The following DLGAP4 variants were observed in gnomAD, a reference collection of about 807,000 sequenced individuals.
DLGAP4 encodes the protein DLG associated protein 4.
In DLGAP4, 18 loss-of-function variants were observed where a neutral mutation model predicts 86.9. The observed-to-expected ratio is 0.21, with a 90% confidence interval of 0.14 to 0.31. The LOEUF (loss-of-function observed/expected upper bound fraction) is 0.31, where lower values mean the gene tolerates loss of function less well. Among genes scored for constraint, DLGAP4 ranks in the 10% least tolerant of loss-of-function variants. DLGAP4 has a pLI of 1.00. For missense variants in DLGAP4, 1,085 were observed against 1,362.6 expected, an observed-to-expected ratio of 0.80 and a Z score of 3.21; for synonymous variants, 548 against 574.3, an observed-to-expected ratio of 0.95 and a Z score of 0.65.
chr20:36,404,984 G>A (rs568608033), intron 2 of DLGAP4, among the ~76,000 whole-genome samples: 31 of 152,306 alleles, frequency 2.0e-4, no homozygotes, highest in South Asian at 1.0e-3. Flanking sequence ...GGCGGTGTGC[G>A]CTGGGCCTTG....
rs1461467057 is a variant in DLGAP4 at position 36,500,659 on chromosome 20, A to T, written c.2512+48A>T. On this transcript the variant is annotated intron_variant, in intron 10 of 12. Coordinates refer to ENST00000339266, the MANE Select transcript of DLGAP4 (RefSeq NM_001365621.2). This position sits in a 1 kb window ranked among gnomAD's most constrained non-coding sequence, Gnocchi z 4.6. Reference sequence around the variant, plus strand: ...TTGGGCAAGGGTAGAAGGTGTTGGCAGCTGGTTTCAGCTGGTGGCCAGCAG... The same window carrying T: ...TTGGGCAAGGGTAGAAGGTGTTGGCTGCTGGTTTCAGCTGGTGGCCAGCAG... The T allele has an allele frequency of 7.2e-7, 1 of 1,389,064 alleles. No individual in the cohort carries two copies. Among genetic ancestry groups the T allele is most frequent in the Non-Finnish European group, 9.4e-7 (1 of 1,066,870 alleles). 86.0% of individuals were successfully genotyped at this position (1,389,064 alleles called of 1,614,324 possible).
chr20:36,326,806 C>CTTT (rs2065219566), intron 1 of DLGAP4, among the ~76,000 whole-genome samples: 1 of 151,490 alleles, frequency 6.6e-6, no homozygotes, highest in Admixed American at 6.6e-5. Flanking sequence ...CTTTATTTTG[C>CTTT]CTTCATTTTT....
chr20:36,413,935 T>G (rs2032579785), intron 2 of DLGAP4, among the ~76,000 whole-genome samples: 1 of 152,164 alleles, frequency 6.6e-6, no homozygotes, highest in Non-Finnish European at 1.5e-5. Context: ...CCAGCTGACA[T>G]GCATAGGGTC....
At chr20:36,403,958 C>T (rs1298166391) in intron 2 of DLGAP4, among the ~76,000 whole-genome samples, 4 of 152,168 alleles carry the variant, frequency 2.6e-5, no homozygotes, top group African/African-American at 9.7e-5. Flanking sequence ...AGCAAGAGAT[C>T]CAAAACAGCA....
chr20:36,363,377 G>A (rs1158449804), intron 1 of DLGAP4, among the ~76,000 whole-genome samples: 2 of 152,226 alleles, frequency 1.3e-5, no homozygotes, highest in Non-Finnish European at 2.9e-5. Context: ...TACTCCTTGA[G>A]CATTTCCTCT....
intron 7 of DLGAP4, among the ~76,000 whole-genome samples, chr20:36,461,114 C>T (rs968722715): frequency 6.6e-6 from 1 of 152,154 alleles, no homozygotes; most frequent in Non-Finnish European, 1.5e-5. Flanking sequence ...CTGGTGGGAA[C>T]TCCCGCCTCG....
intron 7 of DLGAP4, chr20:36,461,730 T>TGTCCGTCC (rs1173276013): frequency 3.5e-5 from 30 of 854,978 alleles, no homozygotes; most frequent in South Asian, 2.8e-4. Context: ...CCTCCCCGTC[T>TGTCCGTCC]GTCCGTCCGT....
chr20:36,329,069 C>A (rs973466541), intron 1 of DLGAP4, among the ~76,000 whole-genome samples: 1 of 152,126 alleles, frequency 6.6e-6, no homozygotes, highest in Admixed American at 6.5e-5. Flanking sequence ...CCATCGCGCC[C>A]GGCCTAATTT....
At position 36,306,670 on chromosome 20, in the gene DLGAP4, C is replaced by A. The variant is rs1319488743; in HGVS notation, c.-304+158C>A. ...AGAAAAGCCCCCTCCCCTGCCAGTT[C>A]TGTCTTCCGATCCCGGGTCCGAGGG... is the stretch of plus-strand genomic sequence containing the variant. On this transcript the variant is annotated intron_variant, in intron 1 of 12. Coordinates refer to ENST00000339266, the MANE Select transcript of DLGAP4 (RefSeq NM_001365621.2). The surrounding 1 kb of genome is among the most constrained non-coding windows in gnomAD (Gnocchi z 4.9). Among the ~76,000 whole-genome samples, 1 of 152,126 alleles carries A rather than the reference C, an allele frequency of 6.6e-6. No homozygotes were observed. Among genetic ancestry groups the A allele is most frequent in the African/African-American group, 2.4e-5 (1 of 41,448 alleles).
In DLGAP4 at chr20:36,418,348, A is replaced by G. The variant is rs1409473604; in HGVS notation, c.-72-13298A>G. ...GGCTAGTCTCGAATTCCTGACCTCA[A>G]GTGATTCACCCACCTCGGCCTCCCA... is the stretch of plus-strand genomic sequence containing the variant. On this transcript the variant is annotated intron_variant, in intron 2 of 12. Transcript: ENST00000339266. Among the ~76,000 whole-genome samples the G allele has an allele frequency of 3.3e-4, 46 of 137,798 alleles. No homozygotes were observed. The Middle Eastern group carries it at 0.02, about 59-fold the overall frequency. 90.4% of individuals were successfully genotyped at this position (137,798 alleles called of 152,430 possible). A position where few individuals can be genotyped will look rare whatever the true frequency, so the allele number is the denominator to read the frequency against.
chr20:36,318,114 A>T (rs1206567372), intron 1 of DLGAP4, among the ~76,000 whole-genome samples: 2,131 of 31,052 alleles, frequency 0.069, 47 homozygotes, highest in African/African-American at 0.093. Flanking sequence ...TCTCACACAC[A>T]CACACACACA....
intron 5 of DLGAP4, among the ~76,000 whole-genome samples, chr20:36,442,231 G>A (rs759677654): frequency 2.0e-5 from 3 of 152,168 alleles, no homozygotes; most frequent in Non-Finnish European, 2.9e-5. Flanking sequence ...TTTCGCTCTT[G>A]TTGCCCAGGC....
At chr20:36,313,108 C>T (rs1012317625) in intron 1 of DLGAP4, among the ~76,000 whole-genome samples, 20 of 152,212 alleles carry the variant, frequency 1.3e-4, no homozygotes, top group Non-Finnish European at 2.6e-4. Context: ...CCTGACCTGC[C>T]GCCTGGCTTC....
intron 2 of DLGAP4, among the ~76,000 whole-genome samples, chr20:36,416,726 A>C (rs187086669): frequency 6.6e-6 from 1 of 152,302 alleles, no homozygotes; most frequent in Non-Finnish European, 1.5e-5. Flanking sequence ...AAGCAGGGAA[A>C]GGCTTGGCTA....
intron 1 of DLGAP4, among the ~76,000 whole-genome samples, chr20:36,314,981 GGT>G (rs1470792944): frequency 7.4e-6 from 1 of 135,138 alleles, no homozygotes; most frequent in African/African-American, 2.8e-5. Flanking sequence ...TATGGTGTGT[GGT>G]GTGTGTGTTA....
Position 36,496,680 on chromosome 20 carries a change from C to G in DLGAP4, c.1649-25C>G, listed in dbSNP as rs373068205. 18 of 1,583,632 alleles carry G rather than the reference C, an allele frequency of 1.1e-5. No individual in the cohort carries two copies. In the African/African-American group the frequency reaches 1.6e-4, roughly 14 times the overall value. On this transcript the variant is annotated intron_variant, in intron 7 of 12. Coordinates refer to ENST00000339266, the MANE Select transcript of DLGAP4 (RefSeq NM_001365621.2). ...GGGGCTTCACCATCTCACCTCTCCCCTGCCCTTCTCTCATCCATCTGCAGG... is the reference window on the plus strand; with the variant it reads ...GGGGCTTCACCATCTCACCTCTCCCGTGCCCTTCTCTCATCCATCTGCAGG...
At chr20:36,338,053 C>G (rs1555892225) in intron 1 of DLGAP4, among the ~76,000 whole-genome samples, 1 of 152,206 alleles carries the variant, frequency 6.6e-6, no homozygotes, top group East Asian at 1.9e-4. Context: ...CATGTGTGGG[C>G]AAGTAGCCTG....
intron 6 of DLGAP4, among the ~76,000 whole-genome samples, chr20:36,446,314 T>C (rs960288871): frequency 6.6e-6 from 1 of 152,186 alleles, no homozygotes; most frequent in Admixed American, 6.5e-5. Context: ...ATGGTAAATA[T>C]CCAGCTACCT....
intron 2 of DLGAP4, among the ~76,000 whole-genome samples, chr20:36,367,800 C>T (rs1032789523): frequency 2.0e-5 from 3 of 152,170 alleles, no homozygotes; most frequent in African/African-American, 7.2e-5. Flanking sequence ...AGGTGCTGGG[C>T]CTGCCCCGTC....
Sources: gnomAD v4.1 joint callset for allele counts (sites outside exome capture counted in the v4.1 genomes callset) on GRCh38, gnomAD v4.1.1 for gene constraint, Gnocchi (gnomAD v3.1) non-coding constraint, MANE v1.5 for transcripts, NCBI Gene and HGNC (gene_info 2026-07-23, HGNC 2026-07-21) for gene names.